The following INTS10 variants were observed in gnomAD, a reference collection of about 807,000 sequenced individuals.
INTS10 encodes the protein chromosome 8 open reading frame 35.
INTS10 carries 44 observed loss-of-function variants against 94.4 expected under a neutral mutation model. The observed-to-expected ratio is 0.47, with a 90% CI of 0.37 to 0.60. The LOEUF is 0.60. Ranked by LOEUF, INTS10 falls within the 20% of genes least tolerant of loss-of-function variation. The pLI is 0.00. For synonymous variants in INTS10, 341 were observed against 320.7 expected (o/e 1.06, Z -0.68); for missense variants, 797 against 868.7 (o/e 0.92, Z 1.04).
intron 12 of INTS10, 27 bp downstream of exon 12, chr8:19,833,348 C>A: frequency 1.3e-6 from 2 of 1,496,008 alleles, no homozygotes; most frequent in Non-Finnish European, 1.8e-6. Flanking sequence ...TACATGCCTG[C>A]CGCAGGTGCA....
chr8:19,845,587 G>A, intron 15 of INTS10, 117 bp from the exon 16 acceptor site: 1 of 704,838 alleles, frequency 1.4e-6, no homozygotes, highest in South Asian at 1.6e-5. Flanking sequence ...GAGAGAACTG[G>A]CACCTTTTTT....
chr8:19,825,091 C>G (rs2066688844), intron 8 of INTS10, 119 bp downstream of exon 8: 2 of 788,814 alleles, frequency 2.5e-6, no homozygotes, highest in Non-Finnish European at 4.1e-6. Context: ...AGTACCAGTC[C>G]TTTTTATAGT....
intron 12 of INTS10, among the ~76,000 whole-genome samples, chr8:19,836,629 T>C (rs1224262237): frequency 1.3e-5 from 2 of 152,222 alleles, no homozygotes; most frequent in Non-Finnish European, 2.9e-5. Flanking sequence ...CTGTGTGTAT[T>C]TTCTCCTGCA....
At chr8:19,828,398 G>T (rs7017697) in intron 9 of INTS10, among the ~76,000 whole-genome samples, 97,602 of 151,994 alleles carry the variant, frequency 0.64, 31,433 homozygotes, top group South Asian at 0.67. Context: ...GTCATAAATG[G>T]CTGGTGCTGG....
chr8:19,818,580 T>A, intron 2 of INTS10: 2 of 536,754 alleles, frequency 3.7e-6, no homozygotes, highest in Non-Finnish European at 6.7e-6. Context: ...CATAATTTAT[T>A]CTAGAAATAA....
intron 6 of INTS10, 36 bp from the exon 7 acceptor site, chr8:19,823,837 A>T: frequency 6.6e-7 from 1 of 1,521,022 alleles, no homozygotes; most frequent in Non-Finnish European, 8.9e-7. Context: ...GTAAGTCATA[A>T]TGTTAATTGT....
intron 16 of INTS10, 22 bp downstream of exon 16, chr8:19,845,819 C>A: frequency 6.5e-7 from 1 of 1,531,134 alleles, no homozygotes; most frequent in Non-Finnish European, 9.1e-7. Context: ...CTCTTTTGCT[C>A]TTCCATGCTG....
At chr8:19,826,275 T>G in intron 8 of INTS10, 151 bp from the exon 9 acceptor site, 1 of 649,348 alleles carries the variant, frequency 1.5e-6, no homozygotes, top group Non-Finnish European at 2.6e-6. Context: ...AGAGATGGGG[T>G]TTCGCCATGT....
rs534831557 is a variant in INTS10, at chr8:19,817,532, C to G, written c.-6C>G. On this transcript the variant is annotated 5_prime_UTR_variant, in exon 1 of 17. Transcript: ENST00000397977. The stretch of plus-strand genomic sequence containing the variant: ...TTCGGGCTGGCGGCTGGAGAGCGCT[C>G]GGGTCATGTCTGCCCAGGGGGACTG... 9.3e-6 allele frequency: 15 copies of G among 1,604,888 alleles called. No individual in the cohort carries two copies. The highest frequency in any genetic ancestry group is 1.3e-5 in the Non-Finnish European group (15 of 1,177,072).
In INTS10 at chr8:19,823,309, GTC is replaced by G; in HGVS notation, c.533_534del (p.Val178AlafsTer6). On this transcript the variant is annotated frameshift_variant, in exon 6 of 17. Transcript: ENST00000397977. LOFTEE classifies it high-confidence loss of function. The stretch of plus-strand genomic sequence containing the variant: ...TTTTTCTCCTCCAACAGTTTGTGAT[GTC>G]CTTCCTCTAATAATTAACAACCATG... ...NCFRKLFVCDVLPLIINNHDV... is the reference protein window; with the variant it reads ...NCFRKLFVCDXLPLIINNHDV... 1.9e-6 allele frequency: 3 copies of G among 1,607,604 alleles called. No individual in the cohort carries two copies. Among genetic ancestry groups the G allele is most frequent in the Non-Finnish European group, 2.6e-6 (3 of 1,174,530 alleles).
Position 19,820,515 on chromosome 8 carries a change from T to C in INTS10, c.438T>C (p.His146=). The C allele has an allele frequency of 6.2e-7, 1 of 1,609,388 alleles. No individual in the cohort carries two copies. Among genetic ancestry groups the C allele is most frequent in the Non-Finnish European group, 8.5e-7 (1 of 1,176,902 alleles). The change falls in exon 4 of 17, where the codon CAT becomes CAC. Residue 146 remains histidine, a synonymous_variant. Transcript: ENST00000397977. ...GCTTCCCTGAAACGGTGGTGCAGCA[T>C]GGGGTGAGATTTGATTCTTCCCCTT... The part of the protein sequence containing the change: ...LRRFPETVVQ[H]GVGLGEALLE...
intron 4 of INTS10, 73 bp from the exon 5 acceptor site, chr8:19,822,366 A>G: frequency 2.6e-6 from 2 of 778,642 alleles, no homozygotes; most frequent in South Asian, 3.3e-5. Context: ...TAAAAAAAAT[A>G]CCCCATTACT....
chr8:19,818,153 C>T, intron 1 of INTS10, 122 bp from the exon 2 acceptor site: 1 of 927,662 alleles, frequency 1.1e-6, no homozygotes, highest in Non-Finnish European at 1.8e-6. Context: ...GGCGCTGTGT[C>T]ACCAGGCGGA....
Position 19,837,152 on chromosome 8 carries a change from T to G in INTS10, c.1631T>G (p.Phe544Cys). ...GAACCCTCGAAAGTAAAGCCCAAAT[T>G]TAGAAAAGGTACAGTGACATGTTTT... ...QEEPSKVKPKFRKGSDLKLLP... is the reference protein window; with the variant it reads ...QEEPSKVKPKCRKGSDLKLLP... Residue 544 changes from phenylalanine to cysteine, a missense_variant, in exon 13 of 17, where the codon TTT becomes TGT. Coordinates refer to ENST00000397977, the MANE Select transcript of INTS10 (RefSeq NM_018142.4). The G allele has an allele frequency of 6.3e-7, 1 of 1,594,990 alleles. No individual in the cohort carries two copies. Among genetic ancestry groups the G allele is most frequent in the Middle Eastern group, 1.7e-4 (1 of 6,024 alleles).
At position 19,823,287 on chromosome 8, in the gene INTS10, T is replaced by C; in HGVS notation, c.524-14T>C. ...AACCTAATTAATTTATTTCTTCTTT[T>C]TCTCCTCCAACAGTTTGTGATGTCC... On this transcript the variant is annotated splice_polypyrimidine_tract_variant and intron_variant, in intron 5 of 16. Coordinates refer to ENST00000397977, the MANE Select transcript of INTS10 (RefSeq NM_018142.4). 1 of 1,596,954 alleles carries C rather than the reference T, an allele frequency of 6.3e-7. No individual in the cohort carries two copies. The highest frequency in any genetic ancestry group is 8.6e-7 in the Non-Finnish European group (1 of 1,167,642).
rs1339714148 is a variant in INTS10 at position 19,849,286 on chromosome 8, A to G, written c.1977-2363A>G. The G allele has an allele frequency of 9.2e-6, 9 of 975,872 alleles. No individual in the cohort carries two copies. Among genetic ancestry groups the G allele is most frequent in the African/African-American group, 1.7e-5 (1 of 59,934 alleles). 60.5% of individuals were successfully genotyped at this position (975,872 alleles called of 1,614,324 possible). A position where few individuals can be genotyped will look rare whatever the true frequency, so the allele number is the denominator to read the frequency against. ...CGCTCATAGTGTGCTGTTTGTCAAC[A>G]TGTTCGCTGCCCATGGTTCTCAGCT... is the stretch of plus-strand genomic sequence containing the variant. On this transcript the variant is annotated intron_variant, in intron 16 of 16. Transcript: ENST00000397977. The surrounding 1 kb of genome is among the most constrained non-coding windows in gnomAD (Gnocchi z 4.6).
Position 19,851,314 on chromosome 8 carries a change from G to A in INTS10, c.1977-335G>A, listed in dbSNP as rs2069016798. 6.6e-6 allele frequency among the ~76,000 whole-genome samples: 1 copy of A among 152,116 alleles called. No individual in the cohort carries two copies. The highest frequency in any genetic ancestry group is 6.5e-5 in the Admixed American group (1 of 15,282). On this transcript the variant is annotated intron_variant, in intron 16 of 16. Transcript: ENST00000397977. This position sits in a 1 kb window ranked among gnomAD's most constrained non-coding sequence, Gnocchi z 5.0. The stretch of plus-strand genomic sequence containing the variant: ...AGCCAGTGTGGACTGGACCCATTTG[G>A]CCCTAAGTAACTGAATTGTGTACCA...
rs1284995885 is a variant in INTS10 at position 19,820,642 on chromosome 8, A to G, written c.441+124A>G. 4 of 751,964 alleles carry G rather than the reference A, an allele frequency of 5.3e-6. No individual in the cohort carries two copies. The African/African-American group carries it at 5.3e-5, about 10-fold the overall frequency. 46.6% of individuals were successfully genotyped at this position (751,964 alleles called of 1,614,324 possible). ...GAGTACTGGTTAAGATTGAACTGAA[A>G]TAGAAGGTTCTTTGTTAGTAAAGCT... On this transcript the variant is annotated intron_variant, in intron 4 of 16. Coordinates refer to ENST00000397977, the MANE Select transcript of INTS10 (RefSeq NM_018142.4).
rs1055111435 is a variant in INTS10, at chr8:19,845,895, A to G, written c.1976+98A>G. 1.7e-5 allele frequency: 13 copies of G among 769,076 alleles called. No individual in the cohort carries two copies. In the Admixed American group the frequency reaches 2.9e-4, roughly 17 times the overall value. 47.6% of individuals were successfully genotyped at this position (769,076 alleles called of 1,614,324 possible). A position where few individuals can be genotyped will look rare whatever the true frequency, so the allele number is the denominator to read the frequency against. ...TGTCTATACCTATCAAAAATTTAAT[A>G]CAAAGGACTTTAAACCTGGTCTCTG... On this transcript the variant is annotated intron_variant, in intron 16 of 16. Coordinates refer to ENST00000397977, the MANE Select transcript of INTS10 (RefSeq NM_018142.4).
Sources: allele counts gnomAD v4.1 joint callset (sites outside exome capture counted in the v4.1 genomes callset), GRCh38; gene constraint gnomAD v4.1.1; non-coding constraint Gnocchi (gnomAD v3.1); transcripts MANE v1.5; gene names NCBI Gene and HGNC (gene_info 2026-07-23, HGNC 2026-07-21).